Variants in SORBS2 observed in about 807,000 individuals in gnomAD.
The protein encoded by SORBS2 is sorbin and SH3 domain-containing protein 2.
SORBS2 carries 46 observed loss-of-function variants against 97.7 expected under a neutral mutation model. The ratio of observed to expected loss-of-function variants is 0.47; its 90% CI spans 0.37 to 0.60. SORBS2 has a LOEUF of 0.60. SORBS2 is among the 20% of genes least tolerant of loss of function. The pLI is 0.00. For missense variants in SORBS2, 1,316 were observed against 1,282.3 expected (o/e 1.03, Z -0.40); for synonymous variants, 476 against 473.4 (o/e 1.01, Z -0.07).
At chr4:185,948,759 C>A (rs1462975538) in intron 1 of SORBS2, among the ~76,000 whole-genome samples, 1 of 151,840 alleles carries the variant, frequency 6.6e-6, no homozygotes, top group Non-Finnish European at 1.5e-5. Context: ...CTCAGGTGAT[C>A]CACCCGCCTC....
intron 2 of SORBS2, among the ~76,000 whole-genome samples, chr4:185,768,019 G>A (rs951924783): frequency 1.3e-5 from 2 of 152,104 alleles, no homozygotes; most frequent in African/African-American, 4.8e-5. Context: ...CCTAATTCCA[G>A]TACAGCTTTT....
chr4:185,715,317 T>A (rs1222897212), intron 2 of SORBS2, among the ~76,000 whole-genome samples: 2 of 152,162 alleles, frequency 1.3e-5, no homozygotes, highest in Non-Finnish European at 2.9e-5. Context: ...TGATATTAAT[T>A]TAGTCTCCAG....
chr4:185,662,630 G>A (rs2097538471), intron 4 of SORBS2, among the ~76,000 whole-genome samples: 1 of 152,204 alleles, frequency 6.6e-6, no homozygotes, highest in African/African-American at 2.4e-5. Context: ...TCCGCATGCA[G>A]CATTGACGTG....
At chr4:185,713,198 G>A (rs1431970572) in intron 2 of SORBS2, among the ~76,000 whole-genome samples, 1 of 152,032 alleles carries the variant, frequency 6.6e-6, no homozygotes, top group Non-Finnish European at 1.5e-5. Flanking sequence ...AATGAGGCTG[G>A]CTACCTCGTT....
rs117221897 is a variant in SORBS2, at chr4:185,731,028, G to A, written c.-198+44199C>T. On this transcript the variant is annotated intron_variant, in intron 2 of 20. Coordinates refer to the SORBS2 transcript ENST00000284776. ...CGGGGAACAAATGACTCATGCAAAT[G>A]ACTATTTTCTAGGTTTTTCTCATGG... Among the ~76,000 whole-genome samples, 232 of 152,266 alleles carry A rather than the reference G, an allele frequency of 1.5e-3. 3 individuals are homozygous for A. In the East Asian group the frequency reaches 0.037, roughly 25 times the overall value.
At chr4:185,944,229 A>G (rs971318545) in intron 1 of SORBS2, among the ~76,000 whole-genome samples, 2 of 152,216 alleles carry the variant, frequency 1.3e-5, no homozygotes, top group African/African-American at 4.8e-5. Context: ...TAAGTAAGTG[A>G]CTGGCAAGAA....
At chr4:185,686,608 T>C (rs946253155) in intron 2 of SORBS2, among the ~76,000 whole-genome samples, 4 of 152,226 alleles carry the variant, frequency 2.6e-5, no homozygotes, top group Admixed American at 2.6e-4. Flanking sequence ...GAGGTGATGT[T>C]ATTGCTTCCA....
At chr4:185,608,910 G>C (rs1483396371) in intron 12 of SORBS2, among the ~76,000 whole-genome samples, 1 of 152,074 alleles carries the variant, frequency 6.6e-6, no homozygotes, top group Admixed American at 6.5e-5. Flanking sequence ...TGGGGACTTA[G>C]TGTGTGTGAG....
intron 2 of SORBS2, among the ~76,000 whole-genome samples, chr4:185,747,506 C>T (rs11723470): frequency 0.35 from 53,958 of 152,094 alleles, 10,047 homozygotes; most frequent in Non-Finnish European, 0.41. Context: ...TACCTGGCCC[C>T]TCTGTGAAGA....
Position 185,936,297 on chromosome 4 carries a change from T to G in SORBS2, c.-338+19899A>C, listed in dbSNP as rs1011683285. ...TTATCCTGGCTCTGGTTGGCTCCAG[T>G]TTCACCCACCCTCCATCCCTGCAAC... On this transcript the variant is annotated intron_variant, in intron 1 of 20. Coordinates refer to the SORBS2 transcript ENST00000284776. Among the ~76,000 whole-genome samples, 16 of 152,302 alleles carry G rather than the reference T, an allele frequency of 1.1e-4. 1 individual carries two copies. Among genetic ancestry groups the G allele is most frequent in the Middle Eastern group, 3.4e-3 (1 of 294 alleles).
At chr4:185,651,890 C>T in intron 2 of SORBS2, 62 bp from the exon 11 acceptor site, 2 of 813,298 alleles carry the variant, frequency 2.5e-6, no homozygotes, top group South Asian at 1.5e-5. Flanking sequence ...AACGAGACAG[C>T]AGAACTTCAG....
chr4:185,701,775 CT>C (rs34491237), intron 2 of SORBS2, among the ~76,000 whole-genome samples: 161 of 144,306 alleles, frequency 1.1e-3, no homozygotes, highest in Non-Finnish European at 1.6e-3. Context: ...AAATTTCTTT[CT>C]TTTTTTTTTT....
At chr4:185,704,570 C>A (rs1336240266) in intron 2 of SORBS2, among the ~76,000 whole-genome samples, 2 of 152,114 alleles carry the variant, frequency 1.3e-5, no homozygotes, top group African/African-American at 4.8e-5. Context: ...CCACCCCCCT[C>A]GGCCTCCCAA....
At chr4:185,775,697 A>G (rs1195108475) in intron 1 of SORBS2, 3 of 152,230 alleles carry the variant, frequency 2.0e-5, no homozygotes, top group Non-Finnish European at 2.9e-5. Context: ...TTCAAAATGA[A>G]TTACCTGATT....
chr4:185,752,000 C>T (rs1355965902), intron 2 of SORBS2, among the ~76,000 whole-genome samples: 1 of 152,076 alleles, frequency 6.6e-6, no homozygotes, highest in Non-Finnish European at 1.5e-5. Flanking sequence ...TAACTGCCAT[C>T]GTGTGGGTAG....
At chr4:185,841,322 G>C (rs1394229889) in intron 1 of SORBS2, among the ~76,000 whole-genome samples, 1 of 152,174 alleles carries the variant, frequency 6.6e-6, no homozygotes, top group Non-Finnish European at 1.5e-5. Context: ...GCAAAGGTTG[G>C]GGGGAGATTA....
At chr4:185,946,283 G>C (rs916715810) in intron 1 of SORBS2, among the ~76,000 whole-genome samples, 1 of 152,188 alleles carries the variant, frequency 6.6e-6, no homozygotes, top group Non-Finnish European at 1.5e-5. Context: ...CAAGTATGTA[G>C]AAGTTGGAGG....
chr4:185,820,371 C>G (rs2099196009), intron 1 of SORBS2, among the ~76,000 whole-genome samples: 1 of 152,212 alleles, frequency 6.6e-6, no homozygotes, highest in Non-Finnish European at 1.5e-5. Flanking sequence ...TCCTCCCCTC[C>G]CCTTTAATTT....
chr4:185,681,562 C>T (rs1009255332), intron 2 of SORBS2, among the ~76,000 whole-genome samples: 5 of 152,278 alleles, frequency 3.3e-5, no homozygotes, highest in Non-Finnish European at 4.4e-5. Flanking sequence ...CTTTAGTAGA[C>T]AGTCACTGCT....
Sources: gnomAD v4.1 joint callset for allele counts (sites outside exome capture counted in the v4.1 genomes callset) on GRCh38, gnomAD v4.1.1 for gene constraint, MANE v1.5 for transcripts, NCBI Gene and HGNC (gene_info 2026-07-23, HGNC 2026-07-21) for gene names.